The following SMNDC1 variants were observed in gnomAD, a reference collection of about 807,000 sequenced individuals.
The protein encoded by SMNDC1 is survival of motor neuron-related-splicing factor 30.
A neutral mutation model predicts 29.2 loss-of-function variants in SMNDC1; 5 were observed. The ratio of observed to expected loss-of-function variants is 0.17; its 90% CI spans 0.09 to 0.36. SMNDC1 has a LOEUF of 0.36. SMNDC1 is among the 10% of genes least tolerant of loss of function. The probability of loss-of-function intolerance (pLI) is 1.00; values close to 1 mark genes in which losing one functional copy is unlikely to be tolerated. For synonymous variants in SMNDC1, 80 were observed against 89.9 expected, an observed-to-expected ratio of 0.89 and a Z score of 0.62; for missense variants, 142 against 268.5, an observed-to-expected ratio of 0.53 and a Z score of 3.29.
In SMNDC1 at chr10:110,292,399, A is replaced by G. The variant is rs1233318354; in HGVS notation, c.*1751T>C. 1.3e-5 allele frequency: 2 copies of G among 152,148 alleles called. No individual in the cohort carries two copies. Among genetic ancestry groups the G allele is most frequent in the Non-Finnish European group, 2.9e-5 (2 of 68,014 alleles). The allele number at this position is 152,148 out of a possible 1,614,324, so 9.4% of individuals were successfully genotyped here. A position where few individuals can be genotyped will look rare whatever the true frequency, so the allele number is the denominator to read the frequency against. On this transcript the variant is annotated 3_prime_UTR_variant, in exon 6 of 6. Transcript: ENST00000369603. Reference sequence around the variant, plus strand: ...CAAGACTGTTAACAGTCCTGCCTACACAAACATCAAGTGAATTACTATTCT... The same window carrying G: ...CAAGACTGTTAACAGTCCTGCCTACGCAAACATCAAGTGAATTACTATTCT...
chr10:110,301,938 G>A (rs919882997), intron 2 of SMNDC1, among the ~76,000 whole-genome samples: 1 of 152,156 alleles, frequency 6.6e-6, no homozygotes, highest in African/African-American at 2.4e-5. Context: ...AAGACCTGAT[G>A]ATAATGCTAT....
rs1311557743 is a variant in SMNDC1, at chr10:110,293,471, C to CA, written c.*678dup. The CA allele has an allele frequency of 6.6e-6, 1 of 152,126 alleles. No homozygotes were observed. The highest frequency in any genetic ancestry group is 1.5e-5 in the Non-Finnish European group (1 of 67,890). The allele number at this position is 152,126 out of a possible 1,614,324, so 9.4% of individuals were successfully genotyped here. A position where few individuals can be genotyped will look rare whatever the true frequency, so the allele number is the denominator to read the frequency against. ...GTACCACTGCCGTAAATGGAAAAAA[C>CA]AAAAAACAGGAAAAAAGCAAACATA... On this transcript the variant is annotated 3_prime_UTR_variant, in exon 6 of 6. Transcript: ENST00000369603.
At position 110,293,987 on chromosome 10, in the gene SMNDC1, G is replaced by C; in HGVS notation, c.*163C>G. The stretch of plus-strand genomic sequence containing the variant: ...AATGAGAAAAGTTAAATGAATAGCA[G>C]TTATCAAATGCAATTTCTTCACGTT... On this transcript the variant is annotated 3_prime_UTR_variant, in exon 6 of 6. Coordinates refer to ENST00000369603, the MANE Select transcript of SMNDC1 (RefSeq NM_005871.4). 1.9e-6 allele frequency: 1 copy of C among 538,914 alleles called. No individual in the cohort carries two copies. Among genetic ancestry groups the C allele is most frequent in the Non-Finnish European group, 3.1e-6 (1 of 321,178 alleles). The allele number at this position is 538,914 out of a possible 1,614,324, so 33.4% of individuals were successfully genotyped here. A position where few individuals can be genotyped will look rare whatever the true frequency, so the allele number is the denominator to read the frequency against.
chr10:110,295,467 A>C (rs1043120567), intron 4 of SMNDC1, 86 bp from the exon 5 acceptor site: 2 of 1,021,316 alleles, frequency 2.0e-6, no homozygotes, highest in Non-Finnish European at 2.8e-6. Flanking sequence ...GCAAAAAAAA[A>C]ATCTAATAAA....
At chr10:110,294,965 T>G (rs1191286370) in intron 5 of SMNDC1, among the ~76,000 whole-genome samples, 1 of 152,226 alleles carries the variant, frequency 6.6e-6, no homozygotes, top group Non-Finnish European at 1.5e-5. Flanking sequence ...GTAGCAACTA[T>G]TTTTTCAAAT....
chr10:110,303,644 A>T, intron 1 of SMNDC1, 57 bp from the exon 2 acceptor site: 1 of 1,522,682 alleles, frequency 6.6e-7, no homozygotes, highest in Non-Finnish European at 8.7e-7. Context: ...CAAGGCATAA[A>T]AAACTAACTC....
chr10:110,295,109 G>C (rs183579947), intron 5 of SMNDC1, 119 bp downstream of exon 5: 1 of 844,232 alleles, frequency 1.2e-6, no homozygotes, highest in African/African-American at 1.8e-5. Flanking sequence ...ACAAGGATTC[G>C]GAATACAAAA....
Position 110,295,311 on chromosome 10 carries a change from C to G in SMNDC1, c.496G>C (p.Glu166Gln). 1 of 1,609,440 alleles carries G rather than the reference C, an allele frequency of 6.2e-7. No homozygotes were observed. The highest frequency in any genetic ancestry group is 1.1e-5 in the South Asian group (1 of 89,968). ...KALKKAQRIK[E>Q]LEQEREDQKV... ...TGGTCCTCTCTTTCCTGCTCAAGTT[C>G]TTTTATTCTCTGAGCTTTTTTCAAA... The change falls in exon 5 of 6, where the codon GAA becomes CAA. Residue 166 changes from glutamate to glutamine, a missense_variant. By Grantham distance (29) the Glu-to-Gln change is conservative (BLOSUM62 2). Transcript: ENST00000369603.
Position 110,293,570 on chromosome 10 carries a change from TA to T in SMNDC1, c.*579del, listed in dbSNP as rs1262281764. On this transcript the variant is annotated 3_prime_UTR_variant, in exon 6 of 6. Transcript: ENST00000369603. ...ACATAAAACTAAGAGTACATAAAAATAAAACAGCTAGATCAATTTTAGAGAT... is the reference window on the plus strand; with the variant it reads ...ACATAAAACTAAGAGTACATAAAAATAAACAGCTAGATCAATTTTAGAGAT... The T allele has an allele frequency of 6.6e-6, 1 of 152,128 alleles. No individual in the cohort carries two copies. Among genetic ancestry groups the T allele is most frequent in the Non-Finnish European group, 1.5e-5 (1 of 67,980 alleles). The allele number at this position is 152,128 out of a possible 1,614,324, so 9.4% of individuals were successfully genotyped here. A position where few individuals can be genotyped will look rare whatever the true frequency, so the allele number is the denominator to read the frequency against.
At chr10:110,301,374 A>C (rs1463585515) in intron 2 of SMNDC1, among the ~76,000 whole-genome samples, 1 of 144,534 alleles carries the variant, frequency 6.9e-6, no homozygotes, top group Non-Finnish European at 1.6e-5. Context: ...CCTCATCTTA[A>C]AAGATGGTTT....
intron 1 of SMNDC1, chr10:110,304,345 C>G (rs1302238465): frequency 1.3e-5 from 2 of 152,302 alleles, no homozygotes; most frequent in Admixed American, 6.5e-5. Context: ...CAAAGGCCCC[C>G]TAAGAGTTAC....
In SMNDC1 at chr10:110,303,556, C is replaced by A; in HGVS notation, c.32G>T (p.Ser11Ile). 2 of 1,583,722 alleles carry A rather than the reference C, an allele frequency of 1.3e-6. No homozygotes were observed. The highest frequency in any genetic ancestry group is 1.7e-6 in the Non-Finnish European group (2 of 1,168,894). MSEDLAKQLASYKAQLQQVEA... is the reference protein window; with the variant it reads MSEDLAKQLAIYKAQLQQVEA... Reference sequence around the variant, plus strand: ...AACTTGCTGGAGCTGAGCTTTGTAGCTTGCCAGCTGCTTTGCTAAATCCTC... The same window carrying A: ...AACTTGCTGGAGCTGAGCTTTGTAGATTGCCAGCTGCTTTGCTAAATCCTC... Residue 11 changes from serine (S) to isoleucine (I), a missense_variant, in exon 2 of 6, where the codon AGC (serine) becomes ATC (isoleucine). Physicochemically the swap from Ser to Ile is moderately radical, Grantham distance 142. Around this residue, in one of 4 missense-constraint regions of SMNDC1, gnomAD observed 20 missense variants for 21.4 expected, o/e 0.93. Coordinates refer to ENST00000369603, the MANE Select transcript of SMNDC1 (RefSeq NM_005871.4).
At chr10:110,294,555 C>T (rs1482822301) in intron 5 of SMNDC1, among the ~76,000 whole-genome samples, 1 of 152,122 alleles carries the variant, frequency 6.6e-6, no homozygotes, top group African/African-American at 2.4e-5. Context: ...GTTTTGTAAA[C>T]GCAAATCCTA....
At chr10:110,296,248 A>G (rs1453997458) in intron 4 of SMNDC1, among the ~76,000 whole-genome samples, 1 of 152,228 alleles carries the variant, frequency 6.6e-6, no homozygotes, top group African/African-American at 2.4e-5. Flanking sequence ...AAAACCCCCA[A>G]TAATTTCTGC....
chr10:110,300,697 T>C, intron 2 of SMNDC1: 1 of 985,428 alleles, frequency 1.0e-6, no homozygotes, highest in Non-Finnish European at 1.2e-6. Flanking sequence ...TCAAGCACTC[T>C]GCTTACTGAA....
chr10:110,294,305 G>A lies in SMNDC1; in HGVS notation c.580-18C>T. 1 of 1,559,356 alleles carries A rather than the reference G, an allele frequency of 6.4e-7. No individual in the cohort carries two copies. The highest frequency in any genetic ancestry group is 2.2e-5 in the Admixed American group (1 of 46,254). ...CTCTTTACCTAAGGGAAAGAAAACA[G>A]AAATCATTCCTGATTAGTGTTGGAA... On this transcript the variant is annotated intron_variant, in intron 5 of 5. Transcript: ENST00000369603.
At chr10:110,297,846 T>C (rs1857588692) in intron 3 of SMNDC1, 118 bp from the exon 4 acceptor site, 3 of 911,518 alleles carry the variant, frequency 3.3e-6, no homozygotes, top group Admixed American at 3.3e-5. Context: ...TATAATCAAA[T>C]GGTTGTTTCA....
Position 110,298,227 on chromosome 10 carries a change from G to C in SMNDC1, c.263+421C>G, listed in dbSNP as rs531994577. Among the ~76,000 whole-genome samples, 3 of 152,064 alleles carry C rather than the reference G, an allele frequency of 2.0e-5. No individual in the cohort carries two copies. In the South Asian group the frequency reaches 6.2e-4, roughly 32 times the overall value. On this transcript the variant is annotated intron_variant, in intron 3 of 5. Transcript: ENST00000369603. ...TGCTCTCCAACTCCTGACCTCAAGC[G>C]ATCTGCCTGCCTCAGCCTCCCAAAG...
intron 2 of SMNDC1, among the ~76,000 whole-genome samples, chr10:110,302,841 A>G (rs1321923217): frequency 6.6e-6 from 1 of 152,246 alleles, no homozygotes; most frequent in Non-Finnish European, 1.5e-5. Context: ...ATTATCTACT[A>G]AACTCTACCA....
Sources: allele counts gnomAD v4.1 joint callset (sites outside exome capture counted in the v4.1 genomes callset), GRCh38; gene constraint gnomAD v4.1.1; regional missense constraint gnomAD v4.1.1; transcripts MANE v1.5; gene names NCBI Gene and HGNC (gene_info 2026-07-23, HGNC 2026-07-21).